Variants in SGMS1 observed in about 807,000 individuals in gnomAD.
The protein encoded by SGMS1 is phosphatidylcholine:ceramide cholinephosphotransferase 1.
A neutral mutation model predicts 46.2 loss-of-function variants in SGMS1; 13 were observed. That is an observed-to-expected ratio of 0.28 (90% CI 0.18 to 0.45). SGMS1 has a LOEUF of 0.45. SGMS1 is among the 20% of genes least tolerant of loss of function. The pLI is 1.00. For synonymous variants in SGMS1, 203 were observed against 187.8 expected (o/e 1.08, Z -0.66); for missense variants, 324 against 519.9 (o/e 0.62, Z 3.66).
intron 2 of SGMS1, among the ~76,000 whole-genome samples, chr10:50,541,162 A>C (rs1838048560): frequency 1.3e-5 from 2 of 152,146 alleles, no homozygotes; most frequent in South Asian, 4.1e-4. Flanking sequence ...AAAAGGTAAG[A>C]TCCAAACAAA....
In SGMS1 at chr10:50,588,658, T is replaced by C. The variant is rs569926375; in HGVS notation, c.-589+1495A>G. 1.8e-3 allele frequency among the ~76,000 whole-genome samples: 276 copies of C among 151,552 alleles called. 1 individual carries two copies. The highest frequency in any genetic ancestry group is 6.4e-3 in the African/African-American group (266 of 41,328). ...GTCATATTCTTTCCACATTCTCCTA[T>C]AAGTTTAGGTTTAAAAAATCAGCTA... On this transcript the variant is annotated intron_variant, in intron 2 of 10. Transcript: ENST00000361781.
At chr10:50,317,816 T>C (rs1327439949) in intron 8 of SGMS1, among the ~76,000 whole-genome samples, 2 of 151,150 alleles carry the variant, frequency 1.3e-5, no homozygotes, top group East Asian at 3.9e-4. Context: ...TTTTTTTTTT[T>C]TTTTAGACAG....
At chr10:50,564,095 C>T (rs1400690138) in intron 2 of SGMS1, among the ~76,000 whole-genome samples, 1 of 152,232 alleles carries the variant, frequency 6.6e-6, no homozygotes, top group Non-Finnish European at 1.5e-5. Context: ...CCTGTGACAG[C>T]CACATTAGCA....
chr10:50,328,033 G>A, intron 7 of SGMS1: 1 of 372,936 alleles, frequency 2.7e-6, no homozygotes, highest in Non-Finnish European at 5.0e-6. Flanking sequence ...TTAAGTAGAT[G>A]AATAAAAATA....
chr10:50,550,305 C>T (rs910793061), intron 2 of SGMS1, among the ~76,000 whole-genome samples: 3 of 152,318 alleles, frequency 2.0e-5, no homozygotes, highest in Non-Finnish European at 2.9e-5. Context: ...TAATAGGCCA[C>T]TGCTTCCTGC....
At chr10:50,343,404 G>C in intron 7 of SGMS1, 88 bp downstream of exon 7, 1 of 1,375,762 alleles carries the variant, frequency 7.3e-7, no homozygotes, top group East Asian at 2.4e-5. Flanking sequence ...ATCCCAACAA[G>C]TTGATAAATT....
chr10:50,480,958 TCCCTGTGGGAATTTCAGCAA>T (rs1325253912), intron 3 of SGMS1, among the ~76,000 whole-genome samples: 1 of 151,416 alleles, frequency 6.6e-6, no homozygotes, highest in African/African-American at 2.4e-5. Context: ...GGGCAGGGCA[TCCCTGTGGGAATTTCAGCAA>T]CCCCAGCCAG....
intron 7 of SGMS1, chr10:50,334,992 GATC>G (rs984442993): frequency 1.3e-5 from 2 of 152,258 alleles, no homozygotes; most frequent in Non-Finnish European, 2.9e-5. Context: ...GGTGTTTGTT[GATC>G]ATCAAGGGAG....
At chr10:50,328,178 C>A in intron 7 of SGMS1, 1 of 275,132 alleles carries the variant, frequency 3.6e-6, no homozygotes, top group Non-Finnish European at 7.1e-6. Context: ...TATAAAAATT[C>A]CATGTAAGTT....
chr10:50,534,624 G>A (rs189099014), intron 2 of SGMS1, among the ~76,000 whole-genome samples: 87 of 152,170 alleles, frequency 5.7e-4, no homozygotes, highest in Admixed American at 1.7e-3. Context: ...TTACCCAATC[G>A]TTCAACAACA....
upstream of SGMS1, chr10:50,624,737 GA>G: frequency 1.0e-6 from 1 of 985,456 alleles, no homozygotes; most frequent in Non-Finnish European, 1.2e-6. Context: ...CTCCCCGAGC[GA>G]AGCCCCAGCG....
chr10:50,344,299 A>G lies in SGMS1; in HGVS notation c.-185T>C, dbSNP rs1847877580. 4.9e-6 allele frequency: 3 copies of G among 614,052 alleles called. No individual in the cohort carries two copies. Among genetic ancestry groups the G allele is most frequent in the South Asian group, 6.2e-5 (2 of 32,334 alleles). 38.0% of individuals were successfully genotyped at this position (614,052 alleles called of 1,614,324 possible). ...CTCATGTAGCTGTCCAGGGTTCCTG[A>G]GCGCCCAAGTATTAATTCACCTCAT... is the stretch of plus-strand genomic sequence containing the variant. On this transcript the variant is annotated 5_prime_UTR_variant, in exon 7 of 11. Coordinates refer to ENST00000361781, the MANE Select transcript of SGMS1 (RefSeq NM_147156.4).
At chr10:50,327,610 G>A (rs886128256) in intron 7 of SGMS1, among the ~76,000 whole-genome samples, 2 of 152,098 alleles carry the variant, frequency 1.3e-5, no homozygotes, top group African/African-American at 4.8e-5. Context: ...TTCAACTGTC[G>A]GACATACAAG....
chr10:50,613,779 T>A (rs1224729439), intron 1 of SGMS1, among the ~76,000 whole-genome samples: 1 of 152,260 alleles, frequency 6.6e-6, no homozygotes, highest in Non-Finnish European at 1.5e-5. Context: ...GTTTTATATA[T>A]GTAACATTCT....
chr10:50,587,633 A>ATG (rs35240090), intron 2 of SGMS1, among the ~76,000 whole-genome samples: 9,749 of 137,800 alleles, frequency 0.071, 496 homozygotes, highest in African/African-American at 0.14. Context: ...CAAAATATAT[A>ATG]TGTGTGTGTG....
intron 1 of SGMS1, among the ~76,000 whole-genome samples, chr10:50,615,176 T>C (rs1838785189): frequency 6.6e-6 from 1 of 152,202 alleles, no homozygotes; most frequent in Non-Finnish European, 1.5e-5. Context: ...GTCTGCAACC[T>C]GAGCGCCCAC....
intron 6 of SGMS1, among the ~76,000 whole-genome samples, chr10:50,407,878 T>C (rs1849039103): frequency 6.6e-6 from 1 of 151,554 alleles, no homozygotes; most frequent in African/African-American, 2.5e-5. Flanking sequence ...AGCGCCTTAA[T>C]ATCTATTTTT....
chr10:50,464,406 C>T (rs115457655), intron 4 of SGMS1, among the ~76,000 whole-genome samples: 1,594 of 152,304 alleles, frequency 0.01, 33 homozygotes, highest in African/African-American at 0.037. Flanking sequence ...TACTCTCCCC[C>T]AGAGCCTCTG....
chr10:50,366,684 A>G (rs1045163454), intron 6 of SGMS1, among the ~76,000 whole-genome samples: 3 of 152,204 alleles, frequency 2.0e-5, no homozygotes, highest in Non-Finnish European at 2.9e-5. Flanking sequence ...GATCATTCTC[A>G]GCAAACTATC....
Sources: gnomAD v4.1 joint callset for allele counts (sites outside exome capture counted in the v4.1 genomes callset) on GRCh38, gnomAD v4.1.1 for gene constraint, MANE v1.5 for transcripts, NCBI Gene and HGNC (gene_info 2026-07-23, HGNC 2026-07-21) for gene names.